Variants in TPO observed in about 807,000 individuals in gnomAD.
The protein encoded by TPO is thyroid peroxidase.
A neutral mutation model predicts 96.9 loss-of-function variants in TPO; 78 were observed. The observed-to-expected ratio is 0.81, with a 90% confidence interval of 0.67 to 0.97. The LOEUF is 0.97. TPO is among the 50% of genes least tolerant of loss of function. The probability of loss-of-function intolerance (pLI) is 0.00; values close to 1 mark genes in which losing one functional copy is unlikely to be tolerated. For missense variants in TPO, 1,252 were observed against 1,274.8 expected (o/e 0.98, Z 0.27); for synonymous variants, 547 against 538.0 (o/e 1.02, Z -0.23).
intron 11 of TPO, among the ~76,000 whole-genome samples, chr2:1,495,551 A>G (rs1672235850): frequency 2.0e-5 from 3 of 152,236 alleles, no homozygotes; most frequent in South Asian, 4.1e-4. Context: ...TAACACAGCA[A>G]TACACCCCAG....
intron 15 of TPO, among the ~76,000 whole-genome samples, chr2:1,533,178 TCCC>T (rs1247322495): frequency 4.2e-5 from 2 of 47,646 alleles, no homozygotes; most frequent in African/African-American, 1.2e-4. Flanking sequence ...CCTTCCCAAA[TCCC>T]CCCACTGTGT....
intron 1 of TPO, among the ~76,000 whole-genome samples, chr2:1,385,265 A>T (rs1661872868): frequency 6.6e-6 from 1 of 152,070 alleles, no homozygotes; most frequent in African/African-American, 2.4e-5. Flanking sequence ...TATTGATTGG[A>T]ATAGTTTCAG....
intron 1 of TPO, among the ~76,000 whole-genome samples, chr2:1,380,161 G>A (rs769072446): frequency 6.6e-5 from 10 of 152,034 alleles, no homozygotes; most frequent in Non-Finnish European, 5.9e-5. Context: ...TTGGGAGGCC[G>A]AGGTGGGCGG....
intron 14 of TPO, among the ~76,000 whole-genome samples, chr2:1,504,466 A>G (rs1224135551): frequency 6.6e-6 from 1 of 152,178 alleles, no homozygotes; most frequent in Non-Finnish European, 1.5e-5. Flanking sequence ...ACCCGACTGC[A>G]CCCTGACCAG....
At chr2:1,410,459 G>A (rs1385115028), upstream of TPO, among the ~76,000 whole-genome samples, 3 of 152,190 alleles carry the variant, frequency 2.0e-5, no homozygotes, top group Admixed American at 2.0e-4. Context: ...AGGTGGTCCT[G>A]GGCCTCGGTT....
intron 15 of TPO, among the ~76,000 whole-genome samples, chr2:1,529,053 CCA>C (rs1677336800): frequency 1.4e-5 from 2 of 147,362 alleles, no homozygotes; most frequent in African/African-American, 2.6e-5. Context: ...CCAAATCTCC[CCA>C]GTGTGTGCAA....
chr2:1,504,395 A>G (rs562247622), intron 14 of TPO, among the ~76,000 whole-genome samples: 2 of 152,272 alleles, frequency 1.3e-5, no homozygotes, highest in Admixed American at 6.5e-5. Context: ...CCTATGAAAC[A>G]GGCAGGATTC....
At chr2:1,527,538 C>T (rs1395374162) in intron 15 of TPO, among the ~76,000 whole-genome samples, 2 of 149,718 alleles carry the variant, frequency 1.3e-5, no homozygotes, top group East Asian at 2.1e-4. Flanking sequence ...CCCTAAATCC[C>T]TCCAACTGTG....
intron 1 of TPO, among the ~76,000 whole-genome samples, chr2:1,375,129 A>G (rs200661722): frequency 6.8e-5 from 3 of 44,102 alleles, no homozygotes; most frequent in African/African-American, 1.3e-4. Flanking sequence ...TTAAAAAGGG[A>G]AAAAAAAGCA....
In TPO at chr2:1,464,985, C is replaced by G. The variant is rs565239050; in HGVS notation, c.819+8703C>G. Reference sequence around the variant, plus strand: ...ATTAAATCCTTGCCTGAGCCAATAGCAAGAAGAATTTTTCCAATGTTATCT... The same window carrying G: ...ATTAAATCCTTGCCTGAGCCAATAGGAAGAAGAATTTTTCCAATGTTATCT... On this transcript the variant is annotated intron_variant, in intron 7 of 16. Transcript: ENST00000329066. Among the ~76,000 whole-genome samples, 223 of 152,268 alleles carry G rather than the reference C, an allele frequency of 1.5e-3. 1 individual carries two copies. The South Asian group carries it at 0.019, about 13-fold the overall frequency.
chr2:1,442,964 T>G (rs1818525), intron 5 of TPO, among the ~76,000 whole-genome samples: 129,973 of 152,230 alleles, frequency 0.85, 55,757 homozygotes, highest in South Asian at 0.93. Flanking sequence ...TGCTGGGCAC[T>G]TTGGCTCACG....
chr2:1,524,890 C>CT (rs1676067664), intron 15 of TPO, among the ~76,000 whole-genome samples: 1 of 133,684 alleles, frequency 7.5e-6, no homozygotes, highest in African/African-American at 2.8e-5. Flanking sequence ...TCAAATTGCC[C>CT]GCACTGTACA....
chr2:1,453,569 G>A, intron 5 of TPO, 125 bp from the exon 6 acceptor site: 3 of 1,482,306 alleles, frequency 2.0e-6, no homozygotes, highest in Admixed American at 3.4e-5. Context: ...CTGGGGAGCT[G>A]TGCCCCTTGG....
chr2:1,500,645 T>C (rs1187487351), intron 13 of TPO, among the ~76,000 whole-genome samples: 1 of 152,188 alleles, frequency 6.6e-6, no homozygotes, highest in African/African-American at 2.4e-5. Flanking sequence ...CAAATTCTAC[T>C]TATTCACTCA....
intron 7 of TPO, among the ~76,000 whole-genome samples, chr2:1,472,792 T>A (rs1669545060): frequency 6.7e-6 from 1 of 149,724 alleles, no homozygotes; most frequent in Admixed American, 6.7e-5. Flanking sequence ...GCAACAGCCT[T>A]GTTTTTTTCT....
intron 12 of TPO, 62 bp downstream of exon 12, chr2:1,496,259 T>C (rs540257848): frequency 4.1e-5 from 64 of 1,567,108 alleles, no homozygotes; most frequent in Admixed American, 1.1e-4. Flanking sequence ...ACAAAGCTTA[T>C]CTTCCCCAGG....
chr2:1,453,713 G>A lies in TPO; in HGVS notation c.502G>A (p.Ala168Thr), dbSNP rs150812908. The stretch of plus-strand genomic sequence containing the variant: ...CCACAGAGACCACCCCAGATGGGGC[G>A]CCTCCAACACGGCCCTGGCACGATG... ...CNNRDHPRWGASNTALARWLP... is the reference protein window; with the variant it reads ...CNNRDHPRWGTSNTALARWLP... The change falls in exon 6 of 17, where the codon GCC (alanine) becomes ACC (threonine). Residue 168 changes from alanine (A) to threonine (T), a missense_variant. Transcript: ENST00000329066. 132 of 1,613,932 alleles carry A rather than the reference G, an allele frequency of 8.2e-5. No individual in the cohort carries two copies. Among genetic ancestry groups the A allele is most frequent in the Admixed American group, 1.7e-4 (10 of 60,018 alleles).
chr2:1,493,774 G>A, intron 10 of TPO, 28 bp from the exon 11 acceptor site: 1 of 1,612,910 alleles, frequency 6.2e-7, no homozygotes, highest in Non-Finnish European at 8.5e-7. Flanking sequence ...TTCTGTGAGA[G>A]AAACCCTGCA....
upstream of TPO, among the ~76,000 whole-genome samples, chr2:1,412,866 C>A (rs1043390342): frequency 1.3e-5 from 2 of 151,558 alleles, no homozygotes; most frequent in Admixed American, 1.3e-4. Context: ...GTCATGGTGA[C>A]CTTCCTACAG....
Sources: allele counts gnomAD v4.1 joint callset (sites outside exome capture counted in the v4.1 genomes callset), GRCh38; gene constraint gnomAD v4.1.1; transcripts MANE v1.5; gene names NCBI Gene and HGNC (gene_info 2026-07-23, HGNC 2026-07-21).